The following FAM135B variants were observed in gnomAD, a reference collection of about 807,000 sequenced individuals.
FAM135B encodes protein FAM135B.
A neutral mutation model predicts 127.7 loss-of-function variants in FAM135B; 43 were observed. The ratio of observed to expected loss-of-function variants is 0.34; its 90% CI spans 0.26 to 0.43. The LOEUF (loss-of-function observed/expected upper bound fraction) is 0.43. Ranked by LOEUF, FAM135B falls within the 20% of genes least tolerant of loss-of-function variation. FAM135B has a pLI of 1.00. For missense variants in FAM135B, 1,558 were observed against 1,725.6 expected, an observed-to-expected ratio of 0.90 and a Z score of 1.72; for synonymous variants, 670 against 665.1, an observed-to-expected ratio of 1.01 and a Z score of -0.11.
chr8:138,409,048 T>C (rs924745833), intron 1 of FAM135B, among the ~76,000 whole-genome samples: 1 of 152,192 alleles, frequency 6.6e-6, no homozygotes, highest in African/African-American at 2.4e-5. Context: ...ACTTGACTAC[T>C]GTTTGGCAAA....
At chr8:138,426,505 T>C (rs1363595294) in intron 1 of FAM135B, among the ~76,000 whole-genome samples, 4 of 150,920 alleles carry the variant, frequency 2.7e-5, no homozygotes, top group South Asian at 2.1e-4. Flanking sequence ...ATATGTATAC[T>C]ATATATGTAT....
At chr8:138,257,848 G>C (rs1477168856) in intron 4 of FAM135B, among the ~76,000 whole-genome samples, 1 of 149,936 alleles carries the variant, frequency 6.7e-6, no homozygotes, top group African/African-American at 2.5e-5. Flanking sequence ...TTTCATATTT[G>C]TATTACGGGT....
intron 1 of FAM135B, among the ~76,000 whole-genome samples, chr8:138,391,825 C>G (rs899180725): frequency 9.2e-5 from 14 of 152,176 alleles, no homozygotes; most frequent in African/African-American, 3.1e-4. Flanking sequence ...GAGGCACAGA[C>G]AGGTTATGCA....
At chr8:138,226,203 T>C in intron 7 of FAM135B, among the ~76,000 whole-genome samples, 1 of 105,952 alleles carries the variant, frequency 9.4e-6, no homozygotes. Flanking sequence ...GTCATTTTTT[T>C]TTTCATTGAT....
rs1408690368 is a variant in FAM135B at position 138,225,458 on chromosome 8, AAAAAAAAC to A, written c.669+17476_669+17483del. Reference sequence around the variant, plus strand: ...TCTGCTATTTAAGCCAAAAAAACAAAAAAAAAACAAAAAAACAAAAAAAACAAAAACAA... The same window carrying A: ...TCTGCTATTTAAGCCAAAAAAACAAAAAAAAAACAAAAAAAACAAAAACAA... On this transcript the variant is annotated intron_variant, in intron 7 of 19. Transcript: ENST00000395297. Among the ~76,000 whole-genome samples, 5 of 148,420 alleles carry A rather than the reference AAAAAAAAC, an allele frequency of 3.4e-5. No homozygotes were observed. In the East Asian group the frequency reaches 9.7e-4, roughly 29 times the overall value.
intron 12 of FAM135B, among the ~76,000 whole-genome samples, chr8:138,165,740 A>G (rs969708000): frequency 3.3e-5 from 5 of 152,192 alleles, no homozygotes; most frequent in African/African-American, 1.2e-4. Context: ...ACATACATAC[A>G]TGCACACACA....
intron 4 of FAM135B, among the ~76,000 whole-genome samples, chr8:138,259,182 A>C (rs142825833): frequency 6.6e-6 from 1 of 152,224 alleles, no homozygotes; most frequent in East Asian, 1.9e-4. Context: ...GCCTTCTCCC[A>C]TGGTCACATG....
intron 1 of FAM135B, among the ~76,000 whole-genome samples, chr8:138,446,578 G>T (rs575445447): frequency 2.6e-5 from 4 of 152,156 alleles, no homozygotes; most frequent in African/African-American, 9.7e-5. Flanking sequence ...TTAATAAATC[G>T]TTCAGGGAAA....
chr8:138,405,851 T>G (rs1227146151), intron 1 of FAM135B, among the ~76,000 whole-genome samples: 2 of 151,942 alleles, frequency 1.3e-5, no homozygotes, highest in Non-Finnish European at 2.9e-5. Flanking sequence ...GTGTTCCTAT[T>G]TCTCCACATC....
intron 1 of FAM135B, among the ~76,000 whole-genome samples, chr8:138,429,551 C>T (rs1835084177): frequency 1.3e-5 from 2 of 152,322 alleles, no homozygotes; most frequent in South Asian, 2.1e-4. Flanking sequence ...ACTCCAACTG[C>T]TTCTCTGAAA....
intron 2 of FAM135B, among the ~76,000 whole-genome samples, chr8:138,345,202 C>T (rs1490207168): frequency 3.3e-5 from 5 of 152,170 alleles, no homozygotes; most frequent in Admixed American, 1.3e-4. Context: ...GCCCAGGAAA[C>T]AGAGGAGTTG....
chr8:138,438,829 A>G, intron 1 of FAM135B: 1 of 152,318 alleles, frequency 6.6e-6, no homozygotes, highest in Middle Eastern at 3.4e-3. Flanking sequence ...AAGGACTAAA[A>G]CCAGGTTTCC....
At chr8:138,249,203 G>A (rs1000949790) in intron 6 of FAM135B, among the ~76,000 whole-genome samples, 3 of 152,182 alleles carry the variant, frequency 2.0e-5, no homozygotes, top group African/African-American at 7.2e-5. Flanking sequence ...GCCTTGGAGT[G>A]CATTAGCAGC....
chr8:138,375,271 A>G (rs1264872821), intron 1 of FAM135B, among the ~76,000 whole-genome samples: 1 of 152,160 alleles, frequency 6.6e-6, no homozygotes, highest in Non-Finnish European at 1.5e-5. Flanking sequence ...TCAAAAATCA[A>G]ATTCCTTTTC....
intron 1 of FAM135B, among the ~76,000 whole-genome samples, chr8:138,389,042 A>T (rs868149277): frequency 6.6e-6 from 1 of 152,238 alleles, no homozygotes; most frequent in South Asian, 2.1e-4. Flanking sequence ...TTCTATTTTG[A>T]TGTGAACCTA....
At chr8:138,232,092 T>C (rs1325011383) in intron 7 of FAM135B, among the ~76,000 whole-genome samples, 1 of 152,262 alleles carries the variant, frequency 6.6e-6, no homozygotes, top group Non-Finnish European at 1.5e-5. Context: ...AGTTAATCCA[T>C]GGGAAAACCC....
intron 7 of FAM135B, among the ~76,000 whole-genome samples, chr8:138,198,842 C>G (rs1816873225): frequency 2.0e-5 from 3 of 152,046 alleles, no homozygotes; most frequent in Admixed American, 2.0e-4. Flanking sequence ...GTTCTTAGAG[C>G]AGAGAAAGGA....
At chr8:138,484,834 G>C (rs1342609532) in intron 1 of FAM135B, among the ~76,000 whole-genome samples, 1 of 151,498 alleles carries the variant, frequency 6.6e-6, no homozygotes, top group African/African-American at 2.4e-5. Flanking sequence ...GCCAACACAA[G>C]CTGGCCTGTT....
chr8:138,215,439 A>G (rs926965110), intron 7 of FAM135B, among the ~76,000 whole-genome samples: 7 of 152,200 alleles, frequency 4.6e-5, no homozygotes, highest in African/African-American at 1.4e-4. Flanking sequence ...TTATATCTAT[A>G]AACTCACCAC....
Sources: gnomAD v4.1 joint callset for allele counts (sites outside exome capture counted in the v4.1 genomes callset) on GRCh38, gnomAD v4.1.1 for gene constraint, MANE v1.5 for transcripts, NCBI Gene and HGNC (gene_info 2026-07-23, HGNC 2026-07-21) for gene names.